Variants in ATP2C2 observed in about 807,000 individuals in gnomAD.
The protein encoded by ATP2C2 is calcium-transporting ATPase type 2C member 2.
In ATP2C2, 171 loss-of-function variants were observed where a neutral mutation model predicts 110.8. The observed-to-expected ratio is 1.54, with a 90% CI of 1.36 to 1.75. The LOEUF (loss-of-function observed/expected upper bound fraction) is 1.75. ATP2C2 is among the 40% of genes most tolerant of loss of function. ATP2C2 has a pLI of 0.00. For synonymous variants in ATP2C2, 804 were observed against 508.4 expected (o/e 1.58, Z -7.82); for missense variants, 1,963 against 1,235.0 (o/e 1.59, Z -8.84).
chr16:84,464,047 G>C lies in ATP2C2; in HGVS notation c.*315G>C. On this transcript the variant is annotated 3_prime_UTR_variant, in exon 27 of 27. Transcript: ENST00000262429. Reference sequence around the variant, plus strand: ...TGTGCCACAGCTTGCAGTGAGGCAGGCCACTCGTGGCAGATACAAGGGGCT... The same window carrying C: ...TGTGCCACAGCTTGCAGTGAGGCAGCCCACTCGTGGCAGATACAAGGGGCT... 8.9e-6 allele frequency: 2 copies of C among 224,798 alleles called. No homozygotes were observed. Among genetic ancestry groups the C allele is most frequent in the Non-Finnish European group, 1.7e-5 (2 of 114,394 alleles). The allele number at this position is 224,798 out of a possible 1,614,324, so 13.9% of individuals were successfully genotyped here.
At chr16:84,383,206 T>G (rs150591701) in intron 1 of ATP2C2, among the ~76,000 whole-genome samples, 1 of 152,276 alleles carries the variant, frequency 6.6e-6, no homozygotes, top group African/African-American at 2.4e-5. Flanking sequence ...GTCCCAAAAC[T>G]GAGTGTGAAT....
intron 18 of ATP2C2, among the ~76,000 whole-genome samples, chr16:84,452,497 C>CTT (rs397816630): frequency 0.018 from 2,093 of 118,282 alleles, 99 homozygotes; most frequent in African/African-American, 0.027. Context: ...CCTCTAGTTA[C>CTT]TTTTTTTTTT....
intron 17 of ATP2C2, among the ~76,000 whole-genome samples, chr16:84,449,381 G>A (rs775223731): frequency 2.0e-4 from 30 of 152,208 alleles, no homozygotes; most frequent in Admixed American, 8.5e-4. Context: ...CCCTCTTCCC[G>A]AGTGAGGGGA....
In ATP2C2 at chr16:84,445,210, C is replaced by CTT. The variant is rs373290504; in HGVS notation, c.1402-1104_1402-1103dup. 2.1e-3 allele frequency among the ~76,000 whole-genome samples: 297 copies of CTT among 141,682 alleles called. 3 individuals are homozygous for CTT. The highest frequency in any genetic ancestry group is 6.5e-3 in the South Asian group (29 of 4,440). 92.9% of individuals were successfully genotyped at this position (141,682 alleles called of 152,430 possible). ...CCACGCCTCTGCGCAGCGTTTTCCT[C>CTT]TTTTTTTTTTTTTTTTGAGACGGAG... On this transcript the variant is annotated intron_variant, in intron 15 of 26. Transcript: ENST00000262429.
At chr16:84,445,193 C>T (rs1271675794) in intron 15 of ATP2C2, among the ~76,000 whole-genome samples, 1 of 151,642 alleles carries the variant, frequency 6.6e-6, no homozygotes, top group Non-Finnish European at 1.5e-5. Flanking sequence ...CGCCACGCCT[C>T]TGCGCAGCGT....
chr16:84,415,720 C>A, intron 7 of ATP2C2, 129 bp downstream of exon 7: 1 of 691,384 alleles, frequency 1.4e-6, no homozygotes. Flanking sequence ...CACATGCATA[C>A]ACACAAGACA....
chr16:84,461,674 T>A lies in ATP2C2; in HGVS notation c.2482-40T>A, dbSNP rs528276894. 13 of 1,575,578 alleles carry A rather than the reference T, an allele frequency of 8.3e-6. No individual in the cohort carries two copies. In the South Asian group the frequency reaches 1.4e-4, roughly 17 times the overall value. Reference sequence around the variant, plus strand: ...CCTTTGGTTCAGGATGGAGGTTGTCTCTTCCCGCCTAACCTCTCACCTTTG... The same window carrying A: ...CCTTTGGTTCAGGATGGAGGTTGTCACTTCCCGCCTAACCTCTCACCTTTG... On this transcript the variant is annotated intron_variant, in intron 24 of 26. Coordinates refer to ENST00000262429, the MANE Select transcript of ATP2C2 (RefSeq NM_014861.4).
intron 15 of ATP2C2, among the ~76,000 whole-genome samples, chr16:84,444,945 C>A (rs1377190206): frequency 6.6e-6 from 1 of 152,142 alleles, no homozygotes; most frequent in Non-Finnish European, 1.5e-5. Flanking sequence ...CATTATTGCT[C>A]CTGGATTAGG....
At chr16:84,439,094 T>C in intron 11 of ATP2C2, 72 bp from the exon 12 acceptor site, 2 of 1,585,960 alleles carry the variant, frequency 1.3e-6, no homozygotes, top group East Asian at 4.5e-5. Flanking sequence ...GCCAAAAGCA[T>C]TGCCAGCCCC....
chr16:84,441,096 C>A, intron 14 of ATP2C2, 138 bp downstream of exon 14: 2 of 752,304 alleles, frequency 2.7e-6, no homozygotes, highest in Admixed American at 4.9e-5. Flanking sequence ...GCTGGCACAG[C>A]ACTGAAAAAA....
chr16:84,386,519 G>A (rs1904328435), intron 1 of ATP2C2, among the ~76,000 whole-genome samples: 1 of 152,166 alleles, frequency 6.6e-6, no homozygotes. Context: ...GTCTCCTCTT[G>A]GCCCGAATGC....
chr16:84,397,175 TAGCAA>T (rs1905037332), intron 1 of ATP2C2, among the ~76,000 whole-genome samples: 2 of 151,618 alleles, frequency 1.3e-5, no homozygotes, highest in African/African-American at 4.9e-5. Flanking sequence ...TCCTTTGTAT[TAGCAA>T]AGCCTCCCGA....
At chr16:84,444,162 C>CAAAAAAAAAA (rs71151217) in intron 15 of ATP2C2, among the ~76,000 whole-genome samples, 1,371 of 104,454 alleles carry the variant, frequency 0.013, 22 homozygotes, top group Non-Finnish European at 0.02. Context: ...GATCCTGCCT[C>CAAAAAAAAAA]AAAAAAAAAA....
Position 84,393,596 on chromosome 16 carries a change from A to C in ATP2C2, c.100-4903A>C, listed in dbSNP as rs184851975. ...TCTAAAAGCTCGATGTTGGCAAATGAGGAAGGAGCAGGTGTATTTCCAATG... is the reference window on the plus strand; with the variant it reads ...TCTAAAAGCTCGATGTTGGCAAATGCGGAAGGAGCAGGTGTATTTCCAATG... On this transcript the variant is annotated intron_variant, in intron 1 of 26. Transcript: ENST00000262429. Among the ~76,000 whole-genome samples, 426 of 152,270 alleles carry C rather than the reference A, an allele frequency of 2.8e-3. 4 individuals are homozygous for C. Among genetic ancestry groups the C allele is most frequent in the African/African-American group, 9.8e-3 (409 of 41,538 alleles).
chr16:84,444,676 C>A (rs1175439384), intron 15 of ATP2C2, among the ~76,000 whole-genome samples: 1 of 152,254 alleles, frequency 6.6e-6, no homozygotes, highest in African/African-American at 2.4e-5. Flanking sequence ...CATGTGTCAC[C>A]TTGCTTCCGC....
chr16:84,375,169 C>T lies in ATP2C2; in HGVS notation c.99+6455C>T, dbSNP rs142428492. 1.7e-3 allele frequency among the ~76,000 whole-genome samples: 252 copies of T among 152,346 alleles called. 3 individuals carry two copies. The highest frequency in any genetic ancestry group is 5.9e-3 in the African/African-American group (246 of 41,576). On this transcript the variant is annotated intron_variant, in intron 1 of 26. Transcript: ENST00000262429. ...GGATATCTAGATAGCAGAATTCTCACAGACACTGAAACAGATGCTGTAGAA... is the reference window on the plus strand; with the variant it reads ...GGATATCTAGATAGCAGAATTCTCATAGACACTGAAACAGATGCTGTAGAA...
chr16:84,379,202 G>A, intron 1 of ATP2C2, among the ~76,000 whole-genome samples: 1 of 133,152 alleles, frequency 7.5e-6, no homozygotes, highest in Non-Finnish European at 1.5e-5. Flanking sequence ...TTCCTTTCCT[G>A]ATAGGGTCTT....
intron 18 of ATP2C2, among the ~76,000 whole-genome samples, chr16:84,452,497 C>CTTTTTTT (rs397816630): frequency 1.2e-4 from 14 of 118,356 alleles, no homozygotes; most frequent in Non-Finnish European, 1.7e-4. Context: ...CCTCTAGTTA[C>CTTTTTTT]TTTTTTTTTT....
At chr16:84,427,800 G>A (rs897223440) in intron 11 of ATP2C2, among the ~76,000 whole-genome samples, 1 of 152,120 alleles carries the variant, frequency 6.6e-6, no homozygotes, top group Non-Finnish European at 1.5e-5. Flanking sequence ...GTTGGGGAGT[G>A]TGTAGTGACT....
Sources: gnomAD v4.1 joint callset for allele counts (sites outside exome capture counted in the v4.1 genomes callset) on GRCh38, gnomAD v4.1.1 for gene constraint, MANE v1.5 for transcripts, NCBI Gene and HGNC (gene_info 2026-07-23, HGNC 2026-07-21) for gene names.